PITPNC1: variants seen among roughly 807,000 people sequenced by gnomAD.
PITPNC1 encodes the protein phosphatidylinositol transfer protein cytoplasmic 1.
A neutral mutation model predicts 44.7 loss-of-function variants in PITPNC1; 18 were observed. The observed-to-expected ratio is 0.40, with a 90% confidence interval of 0.28 to 0.60. The LOEUF (loss-of-function observed/expected upper bound fraction) is 0.60, where lower values mean the gene tolerates loss of function less well. Ranked by LOEUF, PITPNC1 falls within the 20% of genes least tolerant of loss-of-function variation. PITPNC1 has a pLI of 0.39. For synonymous variants in PITPNC1, 141 were observed against 149.6 expected, an observed-to-expected ratio of 0.94 and a Z score of 0.42; for missense variants, 290 against 418.4, an observed-to-expected ratio of 0.69 and a Z score of 2.68.
chr17:67,428,741 G>C (rs2038809987), intron 1 of PITPNC1, among the ~76,000 whole-genome samples: 2 of 151,284 alleles, frequency 1.3e-5, no homozygotes, highest in Admixed American at 1.3e-4. Context: ...TTTACCTGCA[G>C]TAAGTACGTT....
intron 1 of PITPNC1, among the ~76,000 whole-genome samples, chr17:67,446,929 A>C (rs1296252667): frequency 6.6e-6 from 1 of 151,644 alleles, no homozygotes; most frequent in South Asian, 2.1e-4. Context: ...ATCTCTACTA[A>C]AAATACAAAA....
chr17:67,661,910 G>A (rs1274991090), intron 6 of PITPNC1, among the ~76,000 whole-genome samples: 4 of 151,832 alleles, frequency 2.6e-5, no homozygotes, highest in South Asian at 2.1e-4. Context: ...CGGAAGAATC[G>A]CTTGAACCCG....
intron 6 of PITPNC1, among the ~76,000 whole-genome samples, chr17:67,647,143 G>A (rs558895079): frequency 2.0e-5 from 3 of 152,298 alleles, no homozygotes; most frequent in Admixed American, 6.5e-5. Context: ...GTTACCTGAT[G>A]TGATAGAATT....
chr17:67,385,578 C>A (rs1029423583), intron 1 of PITPNC1, among the ~76,000 whole-genome samples: 9 of 151,878 alleles, frequency 5.9e-5, no homozygotes, highest in African/African-American at 2.2e-4. Flanking sequence ...TCCTGCTGTC[C>A]GCTCTTTGGT....
chr17:67,608,554 G>A lies in PITPNC1; in HGVS notation c.367-23589G>A, dbSNP rs192196027. On this transcript the variant is annotated intron_variant, in intron 5 of 8. Coordinates refer to ENST00000581322, the MANE Select transcript of PITPNC1 (RefSeq NM_012417.4). ...TGCCCAGTCTGGAGTGCAATGGTGC[G>A]ATCTGAGCTCACTGCAACCTCCACC... Among the ~76,000 whole-genome samples the A allele has an allele frequency of 4.5e-4, 67 of 148,850 alleles. No individual in the cohort carries two copies. The East Asian group carries it at 0.012, about 27-fold the overall frequency.
chr17:67,395,796 C>A (rs1367580952), intron 1 of PITPNC1, among the ~76,000 whole-genome samples: 1 of 152,078 alleles, frequency 6.6e-6, no homozygotes, highest in African/African-American at 2.4e-5. Flanking sequence ...AATCCTGCCC[C>A]CCCACCCAAG....
chr17:67,499,245 C>G (rs559716183), intron 1 of PITPNC1, among the ~76,000 whole-genome samples: 10 of 152,110 alleles, frequency 6.6e-5, no homozygotes, highest in African/African-American at 2.2e-4. Context: ...AGCAGAGTCT[C>G]GCTCTGTTGC....
chr17:67,440,419 C>A (rs1006033438), intron 1 of PITPNC1, among the ~76,000 whole-genome samples: 1 of 152,070 alleles, frequency 6.6e-6, no homozygotes, highest in Non-Finnish European at 1.5e-5. Context: ...CTGTTATGAC[C>A]AACTTAGTGA....
chr17:67,695,713 T>C lies in PITPNC1; in HGVS notation c.*2825T>C, dbSNP rs191574690. ...AAACTTAAATAAATAATCCATAGAA[T>C]ATCACATACGTTCACTCCATCTTCA... On this transcript the variant is annotated 3_prime_UTR_variant, in exon 9 of 9. Transcript: ENST00000581322. The C allele has an allele frequency of 7.9e-5, 12 of 151,984 alleles. No homozygotes were observed. The highest frequency in any genetic ancestry group is 2.9e-4 in the African/African-American group (12 of 41,464). 9.4% of individuals were successfully genotyped at this position (151,984 alleles called of 1,614,324 possible). A position where few individuals can be genotyped will look rare whatever the true frequency, so the allele number is the denominator to read the frequency against.
chr17:67,385,222 T>TA (rs2038023787), intron 1 of PITPNC1, among the ~76,000 whole-genome samples: 8 of 152,262 alleles, frequency 5.3e-5, no homozygotes, highest in Admixed American at 1.3e-4. Flanking sequence ...TAAAATACGC[T>TA]AATCAGCAGG....
chr17:67,443,495 G>C (rs756871275), intron 1 of PITPNC1, among the ~76,000 whole-genome samples: 2 of 151,734 alleles, frequency 1.3e-5, no homozygotes, highest in African/African-American at 2.4e-5. Context: ...CCAGCTCCTT[G>C]AGGCGAGCAA....
intron 5 of PITPNC1, among the ~76,000 whole-genome samples, chr17:67,619,413 A>T (rs2041801867): frequency 6.6e-6 from 1 of 152,112 alleles, no homozygotes; most frequent in African/African-American, 2.4e-5. Flanking sequence ...ACGTTTTTTA[A>T]TCGGCTCCCT....
At chr17:67,445,271 G>A (rs2916155) in intron 1 of PITPNC1, among the ~76,000 whole-genome samples, 24,309 of 151,908 alleles carry the variant, frequency 0.16, 2,616 homozygotes, top group Non-Finnish European at 0.23. Context: ...AGGTCTAGAC[G>A]TTAGGCAGAT....
At chr17:67,386,068 C>T (rs562073024) in intron 1 of PITPNC1, among the ~76,000 whole-genome samples, 19 of 152,242 alleles carry the variant, frequency 1.2e-4, no homozygotes, top group Non-Finnish European at 2.2e-4. Flanking sequence ...ATTTAGAAAC[C>T]TTGTGTCTGA....
intron 4 of PITPNC1, among the ~76,000 whole-genome samples, chr17:67,558,944 G>C (rs2040873039): frequency 6.6e-6 from 1 of 152,182 alleles, no homozygotes; most frequent in African/African-American, 2.4e-5. Flanking sequence ...ACAGCTGAGA[G>C]TCTGTCATCA....
chr17:67,590,335 C>T (rs2041373549), intron 5 of PITPNC1, among the ~76,000 whole-genome samples: 1 of 152,190 alleles, frequency 6.6e-6, no homozygotes, highest in African/African-American at 2.4e-5. Context: ...AATTACACAG[C>T]ACTCTGACTA....
At chr17:67,382,338 G>GGTGT (rs112100189) in intron 1 of PITPNC1, among the ~76,000 whole-genome samples, 2,127 of 146,190 alleles carry the variant, frequency 0.015, 37 homozygotes, top group East Asian at 0.073. Context: ...GGGGTTTTTT[G>GGTGT]GTGTGTGTGT....
intron 8 of PITPNC1, 59 bp from the exon 9 acceptor site, chr17:67,692,513 A>G (rs895021454): frequency 8.2e-7 from 1 of 1,212,604 alleles, no homozygotes. Context: ...GTAGTGATGA[A>G]TCTATTTGCC....
intron 6 of PITPNC1, among the ~76,000 whole-genome samples, chr17:67,642,143 A>C (rs1318045089): frequency 2.6e-5 from 4 of 152,190 alleles, no homozygotes; most frequent in Non-Finnish European, 5.9e-5. Context: ...GAAAATGAGG[A>C]GTCTCAGTGC....
Sources: gnomAD v4.1 joint callset for allele counts (sites outside exome capture counted in the v4.1 genomes callset) on GRCh38, gnomAD v4.1.1 for gene constraint, MANE v1.5 for transcripts, NCBI Gene and HGNC (gene_info 2026-07-23, HGNC 2026-07-21) for gene names.